The following RAP1GAP2 variants were observed in gnomAD, a reference collection of about 807,000 sequenced individuals.
RAP1GAP2 encodes rap1 GTPase-activating protein 2.
In RAP1GAP2, 27 loss-of-function variants were observed where a neutral mutation model predicts 95.0. The ratio of observed to expected loss-of-function variants is 0.28; its 90% CI spans 0.21 to 0.39. The LOEUF is 0.39. Among genes scored for constraint, RAP1GAP2 ranks in the 10% least tolerant of loss-of-function variants. The pLI, the probability that RAP1GAP2 is intolerant of heterozygous loss-of-function variation, is 1.00. For synonymous variants in RAP1GAP2, 373 were observed against 380.9 expected, an observed-to-expected ratio of 0.98 and a Z score of 0.24; for missense variants, 771 against 970.0, an observed-to-expected ratio of 0.79 and a Z score of 2.72.
At chr17:2,979,460 G>GTTTTTTTTT (rs71153320) in intron 8 of RAP1GAP2, among the ~76,000 whole-genome samples, 1 of 78,606 alleles carries the variant, frequency 1.3e-5, no homozygotes, top group African/African-American at 5.3e-5. Flanking sequence ...GGCGTGTTCT[G>GTTTTTTTTT]TTTTTTTTTT....
At chr17:2,778,848 C>T (rs951620725) in intron 1 of RAP1GAP2, among the ~76,000 whole-genome samples, 1 of 152,176 alleles carries the variant, frequency 6.6e-6, no homozygotes, top group African/African-American at 2.4e-5. Context: ...TTTGATTATT[C>T]CCACCACTCT....
upstream of RAP1GAP2, chr17:2,796,387 G>A: frequency 1.0e-5 from 9 of 878,546 alleles, no homozygotes; most frequent in Non-Finnish European, 1.6e-5. The surrounding 1 kb of genome is among the most constrained non-coding windows in gnomAD (Gnocchi z 4.7). Flanking sequence ...GCTCGGGTTG[G>A]GGGCAGGCGA....
intron 22 of RAP1GAP2, among the ~76,000 whole-genome samples, chr17:3,028,105 C>A (rs577970297): frequency 6.6e-5 from 10 of 151,648 alleles, no homozygotes; most frequent in South Asian, 2.1e-4. Flanking sequence ...AGTCACCAAG[C>A]CTGTCTGTGC....
At chr17:2,977,552 C>G (rs1002120863) in intron 8 of RAP1GAP2, among the ~76,000 whole-genome samples, 1 of 151,806 alleles carries the variant, frequency 6.6e-6, no homozygotes, top group African/African-American at 2.4e-5. Context: ...GGAGACCAGC[C>G]TGGCCAACAT....
chr17:2,873,692 G>A (rs1405284940), intron 2 of RAP1GAP2, among the ~76,000 whole-genome samples: 1 of 151,974 alleles, frequency 6.6e-6, no homozygotes, highest in African/African-American at 2.4e-5. Context: ...AAAAGTTATG[G>A]AATTAGTGGT....
At chr17:2,882,138 T>TTA (rs35565975) in intron 2 of RAP1GAP2, among the ~76,000 whole-genome samples, 1 of 147,186 alleles carries the variant, frequency 6.8e-6, no homozygotes, top group African/African-American at 2.5e-5. Flanking sequence ...TTTTTTTTTT[T>TTA]AATTTTGAGA....
intron 2 of RAP1GAP2, among the ~76,000 whole-genome samples, chr17:2,820,293 C>T (rs945083642): frequency 6.6e-6 from 1 of 151,908 alleles, no homozygotes; most frequent in Non-Finnish European, 1.5e-5. Flanking sequence ...GCTGTTGGGT[C>T]GCAGCTCTAC....
intron 3 of RAP1GAP2, among the ~76,000 whole-genome samples, chr17:2,915,800 C>T (rs1209643992): frequency 2.0e-5 from 3 of 152,088 alleles, no homozygotes; most frequent in East Asian, 3.9e-4. Context: ...TGAGTTCAAG[C>T]GATTCTCCTG....
rs573903119 is a variant in RAP1GAP2 at position 2,835,268 on chromosome 17, G to C, written c.80+34718G>C. On this transcript the variant is annotated intron_variant, in intron 2 of 24. Transcript: ENST00000254695. ...GGAGTCTCGCTCTGTCACCCAGGCT[G>C]GAGTGCATTGGCACGATCTTGGCTC... Among the ~76,000 whole-genome samples, 12 of 151,860 alleles carry C rather than the reference G, an allele frequency of 7.9e-5. No individual in the cohort carries two copies. The South Asian group carries it at 2.5e-3, about 32-fold the overall frequency.
At chr17:2,901,944 C>A (rs1365492011) in intron 2 of RAP1GAP2, among the ~76,000 whole-genome samples, 6 of 152,182 alleles carry the variant, frequency 3.9e-5, no homozygotes, top group African/African-American at 1.4e-4. Flanking sequence ...GCACTGCATT[C>A]ATTTCCTAGG....
chr17:2,765,241 T>G (rs1025472245), intron 1 of RAP1GAP2, among the ~76,000 whole-genome samples: 1 of 152,144 alleles, frequency 6.6e-6, no homozygotes, highest in African/African-American at 2.4e-5. Flanking sequence ...AACGGGGGAA[T>G]GATGTTGCTG....
At chr17:2,774,672 A>G (rs1249908179), upstream of RAP1GAP2, among the ~76,000 whole-genome samples, 1 of 151,028 alleles carries the variant, frequency 6.6e-6, no homozygotes, top group Non-Finnish European at 1.5e-5. Context: ...AGGGGTCACC[A>G]TGTTGGCAGG....
intron 2 of RAP1GAP2, among the ~76,000 whole-genome samples, chr17:2,869,528 G>T (rs2072756090): frequency 6.6e-6 from 1 of 152,154 alleles, no homozygotes; most frequent in African/African-American, 2.4e-5. Context: ...GGGTGGGCTG[G>T]CTGGTGGTTC....
At chr17:2,985,528 G>T (rs1435001398) in intron 11 of RAP1GAP2, among the ~76,000 whole-genome samples, 1 of 152,196 alleles carries the variant, frequency 6.6e-6, no homozygotes, top group Admixed American at 6.5e-5. Context: ...TTGGCAGCTT[G>T]AAGTCAACCA....
intron 10 of RAP1GAP2, among the ~76,000 whole-genome samples, chr17:2,982,350 G>C (rs1385832018): frequency 6.6e-6 from 1 of 152,208 alleles, no homozygotes; most frequent in Non-Finnish European, 1.5e-5. Flanking sequence ...ATGTTGGCCA[G>C]GCTGGTCTCG....
At chr17:3,013,369 G>A (rs1317088129) in intron 17 of RAP1GAP2, among the ~76,000 whole-genome samples, 3 of 152,186 alleles carry the variant, frequency 2.0e-5, no homozygotes, top group African/African-American at 7.2e-5. Flanking sequence ...CCGCTGTTTT[G>A]GGGGTCCACG....
At chr17:2,924,210 T>C (rs2042880905) in intron 3 of RAP1GAP2, among the ~76,000 whole-genome samples, 1 of 152,168 alleles carries the variant, frequency 6.6e-6, no homozygotes, top group African/African-American at 2.4e-5. Flanking sequence ...TCTGGGAACT[T>C]TGAGAGTGCT....
rs535163515 is a variant in RAP1GAP2, at chr17:2,993,727, C to G, written c.915-1610C>G. On this transcript the variant is annotated intron_variant, in intron 12 of 24. Transcript: ENST00000254695. ...GAGATGCTATCATTATAAGACACAT[C>G]CTGTGACTTTAAAATGTGAAAAAAC... Among the ~76,000 whole-genome samples the G allele has an allele frequency of 5.3e-5, 8 of 152,136 alleles. No individual in the cohort carries two copies. The South Asian group carries it at 1.7e-3, about 32-fold the overall frequency.
rs2151668844 is a variant in RAP1GAP2, at chr17:3,029,074, A to G, written c.2108-1848A>G. On this transcript the variant is annotated intron_variant, in intron 22 of 24. Transcript: ENST00000254695. The surrounding 1 kb of genome is among the most constrained non-coding windows in gnomAD (Gnocchi z 4.4). ...CGGCCTCCCAAAGTGCTGGGATTAC[A>G]GGCGTGAGCCACCGCGCCTGACCTG... 6.6e-6 allele frequency among the ~76,000 whole-genome samples: 1 copy of G among 152,334 alleles called. No individual in the cohort carries two copies. The highest frequency in any genetic ancestry group is 1.9e-4 in the East Asian group (1 of 5,194).
Sources: gnomAD v4.1 joint callset for allele counts (sites outside exome capture counted in the v4.1 genomes callset) on GRCh38, gnomAD v4.1.1 for gene constraint, Gnocchi (gnomAD v3.1) non-coding constraint, MANE v1.5 for transcripts, NCBI Gene and HGNC (gene_info 2026-07-23, HGNC 2026-07-21) for gene names.